The following PDZRN4 variants were observed in gnomAD, a reference collection of about 807,000 sequenced individuals.
PDZRN4 encodes PDZ domain containing ring finger 4.
Under a neutral mutation model 99.0 loss-of-function variants are expected in PDZRN4, and 70 were observed. The ratio of observed to expected loss-of-function variants is 0.71; its 90% CI spans 0.58 to 0.86. The LOEUF is 0.86. Among genes scored for constraint, PDZRN4 ranks in the 40% least tolerant of loss-of-function variants. The probability of loss-of-function intolerance (pLI) is 0.00; values close to 1 mark genes in which losing one functional copy is unlikely to be tolerated. For missense variants in PDZRN4, 1,474 were observed against 1,331.2 expected, an observed-to-expected ratio of 1.11 and a Z score of -1.67; for synonymous variants, 551 against 501.6, an observed-to-expected ratio of 1.10 and a Z score of -1.32.
intron 3 of PDZRN4, among the ~76,000 whole-genome samples, chr12:41,245,737 C>G (rs1455225137): frequency 6.6e-6 from 1 of 152,192 alleles, no homozygotes; most frequent in East Asian, 1.9e-4. Flanking sequence ...TGTTCCTATG[C>G]TGAGGAGGAG....
chr12:41,413,806 G>A (rs557107530), intron 3 of PDZRN4, among the ~76,000 whole-genome samples: 14 of 152,040 alleles, frequency 9.2e-5, no homozygotes, highest in Admixed American at 5.2e-4. Flanking sequence ...TGTTAAGACC[G>A]TTTACATTCA....
intron 3 of PDZRN4, among the ~76,000 whole-genome samples, chr12:41,238,976 G>A (rs186883022): frequency 1.3e-3 from 193 of 152,138 alleles, no homozygotes; most frequent in African/African-American, 4.5e-3. Context: ...TATACCCAAA[G>A]GACTAGAGGT....
At chr12:41,553,921 A>G (rs1440172797) in intron 6 of PDZRN4, among the ~76,000 whole-genome samples, 1 of 152,138 alleles carries the variant, frequency 6.6e-6, no homozygotes, top group Non-Finnish European at 1.5e-5. Context: ...CAAGGTGAGT[A>G]CAACAGTGCT....
chr12:41,526,812 T>C (rs12229610), intron 5 of PDZRN4, among the ~76,000 whole-genome samples: 24,298 of 152,212 alleles, frequency 0.16, 2,167 homozygotes, highest in Non-Finnish European at 0.2. Flanking sequence ...CAGTGTTAAA[T>C]TTTTTTGATA....
chr12:41,232,776 T>G (rs1004433502), intron 3 of PDZRN4, among the ~76,000 whole-genome samples: 1 of 152,074 alleles, frequency 6.6e-6, no homozygotes, highest in Admixed American at 6.6e-5. Flanking sequence ...ATTGCCTAGG[T>G]TTTCTTCTAG....
chr12:41,505,203 A>G (rs187622811), intron 3 of PDZRN4, among the ~76,000 whole-genome samples: 41 of 152,128 alleles, frequency 2.7e-4, no homozygotes, highest in Admixed American at 1.2e-3. Context: ...GCACCCAGGG[A>G]TCTCTAAGGG....
intron 3 of PDZRN4, among the ~76,000 whole-genome samples, chr12:41,290,390 T>C (rs1304485703): frequency 6.6e-6 from 1 of 152,168 alleles, no homozygotes; most frequent in Admixed American, 6.5e-5. Context: ...GAATACACTT[T>C]AAAAGAAAAG....
chr12:41,367,959 C>T (rs1544000), intron 3 of PDZRN4, among the ~76,000 whole-genome samples: 71,971 of 151,790 alleles, frequency 0.47, 17,843 homozygotes, highest in Middle Eastern at 0.65. Context: ...ACAGATGAAA[C>T]CCGTATGCAC....
Position 41,265,442 on chromosome 12 carries a change from G to T in PDZRN4, c.843+71254G>T, listed in dbSNP as rs1356385306. Among the ~76,000 whole-genome samples the T allele has an allele frequency of 3.3e-5, 5 of 152,234 alleles. No individual in the cohort carries two copies. The East Asian group carries it at 9.7e-4, about 29-fold the overall frequency. Reference sequence around the variant, plus strand: ...TGTTGTGGATATGGTTTTACCTTAAGAAACCATTCTATGTGACACCAGAAA... The same window carrying T: ...TGTTGTGGATATGGTTTTACCTTAATAAACCATTCTATGTGACACCAGAAA... On this transcript the variant is annotated intron_variant, in intron 3 of 9. Coordinates refer to ENST00000402685, the MANE Select transcript of PDZRN4 (RefSeq NM_001164595.2).
Position 41,567,863 on chromosome 12 carries a change from T to G in PDZRN4, c.1548T>G (p.Asn516Lys), listed in dbSNP as rs766125649. The change falls in exon 9 of 10, where the codon AAT becomes AAG. Residue 516 changes from asparagine to lysine, a missense_variant. Coordinates refer to ENST00000402685, the MANE Select transcript of PDZRN4 (RefSeq NM_001164595.2). ...TGGAGATGTTGGAAGAAGAGCATAA[T>G]GAAGCAATGCAGCCCACTGCCAATG... Reference protein sequence around the residue: ...LNLEMLEEEHNEAMQPTANEV... With the variant: ...LNLEMLEEEHKEAMQPTANEV... The G allele has an allele frequency of 3.1e-6, 5 of 1,612,988 alleles. No individual in the cohort carries two copies. Among genetic ancestry groups the G allele is most frequent in the Non-Finnish European group, 3.4e-6 (4 of 1,179,310 alleles).
At chr12:41,528,929 T>C (rs1033967740) in intron 5 of PDZRN4, among the ~76,000 whole-genome samples, 2 of 152,184 alleles carry the variant, frequency 1.3e-5, no homozygotes, top group African/African-American at 2.4e-5. Context: ...TTTTTTTTGC[T>C]ACAGCCTTCA....
chr12:41,259,063 T>G (rs1951220874), intron 3 of PDZRN4, among the ~76,000 whole-genome samples: 1 of 152,118 alleles, frequency 6.6e-6, no homozygotes, highest in South Asian at 2.1e-4. Context: ...TAACCTGCAT[T>G]TAAATACACA....
At chr12:41,394,110 G>C (rs1249254950) in intron 3 of PDZRN4, among the ~76,000 whole-genome samples, 1 of 152,048 alleles carries the variant, frequency 6.6e-6, no homozygotes, top group African/African-American at 2.4e-5. Context: ...CCTTGTTCTG[G>C]GTTGCAGACA....
At chr12:41,233,792 G>T (rs1319495638) in intron 3 of PDZRN4, among the ~76,000 whole-genome samples, 2 of 151,916 alleles carry the variant, frequency 1.3e-5, no homozygotes, top group African/African-American at 4.8e-5. Flanking sequence ...CTGTTGTGTG[G>T]TGGGGGGAGC....
rs770677173 is a variant in PDZRN4 at position 41,572,394 on chromosome 12, A to G, written c.1615A>G (p.Thr539Ala). The change falls in exon 10 of 10, where the codon ACA (threonine) becomes GCA (alanine). Residue 539 changes from threonine to alanine, a missense_variant. Thr to Ala is a moderately conservative substitution (Grantham distance 58). Coordinates refer to ENST00000402685, the MANE Select transcript of PDZRN4 (RefSeq NM_001164595.2). ...AAAGCAAGAAGAAGAAGAAGGCACA[A>G]CAGACACTGCAACATCCTCATCCAA... ...PKKQEEEEGT[T>A]DTATSSSNNH... is the part of the protein sequence containing the mutation. 1.9e-6 allele frequency: 3 copies of G among 1,613,698 alleles called. No individual in the cohort carries two copies. The highest frequency in any genetic ancestry group is 2.5e-6 in the Non-Finnish European group (3 of 1,179,832).
intron 3 of PDZRN4, among the ~76,000 whole-genome samples, chr12:41,224,111 T>A (rs1950977054): frequency 6.6e-6 from 1 of 152,202 alleles, no homozygotes; most frequent in Admixed American, 6.5e-5. Flanking sequence ...TTGCCTATGG[T>A]TGCATCTGAG....
At chr12:41,274,755 C>T (rs919150091) in intron 3 of PDZRN4, among the ~76,000 whole-genome samples, 4 of 152,138 alleles carry the variant, frequency 2.6e-5, no homozygotes, top group Non-Finnish European at 1.5e-5. Flanking sequence ...TTCCCTGGCT[C>T]AAACTTTGCC....
intron 5 of PDZRN4, among the ~76,000 whole-genome samples, chr12:41,522,623 G>T (rs891819846): frequency 1.3e-5 from 2 of 151,992 alleles, no homozygotes; most frequent in Non-Finnish European, 2.9e-5. Flanking sequence ...TTATATGCAG[G>T]TTCTATTCTT....
intron 3 of PDZRN4, among the ~76,000 whole-genome samples, chr12:41,263,382 G>A (rs1317002314): frequency 3.3e-5 from 5 of 151,958 alleles, no homozygotes; most frequent in African/African-American, 7.2e-5. Flanking sequence ...GTGAAACCCC[G>A]CCTCTACTAA....
Sources: gnomAD v4.1 joint callset for allele counts (sites outside exome capture counted in the v4.1 genomes callset) on GRCh38, gnomAD v4.1.1 for gene constraint, MANE v1.5 for transcripts, NCBI Gene and HGNC (gene_info 2026-07-23, HGNC 2026-07-21) for gene names.